Variants in HS6ST2 observed in about 807,000 individuals in gnomAD.
HS6ST2 encodes heparan-sulfate 6-O-sulfotransferase 2.
Under a neutral mutation model 33.0 loss-of-function variants are expected in HS6ST2, and 17 were observed. That is an observed-to-expected ratio of 0.52 (90% CI 0.35 to 0.77). The LOEUF (loss-of-function observed/expected upper bound fraction) is 0.77. Ranked by LOEUF, HS6ST2 falls within the 30% of genes least tolerant of loss-of-function variation. HS6ST2 has a pLI of 0.01. For missense variants in HS6ST2, 519 were observed against 551.7 expected (o/e 0.94, Z 0.59); for synonymous variants, 248 against 237.1 (o/e 1.05, Z -0.42).
chrX:132,752,803 G>A lies in HS6ST2; in HGVS notation c.948-44309C>T, dbSNP rs752276406. 9.8e-5 allele frequency among the ~76,000 whole-genome samples: 11 copies of A among 112,526 alleles called. No homozygotes were observed. In the South Asian group the frequency reaches 4.1e-3, roughly 42 times the overall value. The stretch of plus-strand genomic sequence containing the variant: ...TGAGGAAGACAGTGAGGAGAAGTCC[G>A]TGCCTATGACATTATGTCTTGATTG... On this transcript the variant is annotated intron_variant, in intron 2 of 4. Transcript: ENST00000370833.
intron 2 of HS6ST2, among the ~76,000 whole-genome samples, chrX:132,823,367 T>C (rs975446169): frequency 4.5e-5 from 5 of 110,916 alleles, no homozygotes; most frequent in Admixed American, 1.9e-4. Context: ...TCAGTGCACC[T>C]GTCACCTGAG....
intron 2 of HS6ST2, among the ~76,000 whole-genome samples, chrX:132,761,670 T>A (rs746939659): frequency 8.9e-6 from 1 of 112,292 alleles, no homozygotes; most frequent in East Asian, 2.8e-4. Flanking sequence ...TTATTACATC[T>A]TCTGAACCGT....
chrX:132,687,283 C>T (rs777883072), intron 3 of HS6ST2, among the ~76,000 whole-genome samples: 4 of 110,875 alleles, frequency 3.6e-5, no homozygotes, highest in African/African-American at 1.3e-4. Context: ...TTTTGATGGT[C>T]CCCTCAATGC....
intron 2 of HS6ST2, among the ~76,000 whole-genome samples, chrX:132,953,137 G>A (rs1010929438): frequency 9.0e-6 from 1 of 111,208 alleles, no homozygotes; most frequent in Admixed American, 9.6e-5. Context: ...TACAAACAGA[G>A]GAAATTTGGC....
At chrX:132,736,075 C>T (rs1236053039) in intron 2 of HS6ST2, among the ~76,000 whole-genome samples, 1 of 110,744 alleles carries the variant, frequency 9.0e-6, no homozygotes, top group Admixed American at 9.6e-5. Flanking sequence ...GAACTCCTGA[C>T]CTCAAGTGAT....
At chrX:132,725,534 G>C (rs1185040222) in intron 2 of HS6ST2, among the ~76,000 whole-genome samples, 1 of 112,250 alleles carries the variant, frequency 8.9e-6, no homozygotes, top group Non-Finnish European at 1.9e-5. Flanking sequence ...AGAATGTGGA[G>C]AAAAGAGAAC....
At chrX:132,711,544 C>G (rs1460945246) in intron 2 of HS6ST2, among the ~76,000 whole-genome samples, 2 of 111,383 alleles carry the variant, frequency 1.8e-5, no homozygotes, top group Non-Finnish European at 3.8e-5. Context: ...TAAAATTCCC[C>G]CAGTTCCAAT....
At position 132,628,649 on chromosome X, in the gene HS6ST2, G is replaced by T. The variant is rs1348481848; in HGVS notation, c.1512C>A (p.Ala504=). 2 of 1,211,216 alleles carry T rather than the reference G, an allele frequency of 1.7e-6. No homozygotes were observed. The highest frequency in any genetic ancestry group is 3.5e-5 in the South Asian group (2 of 56,970). ...TTTCCTCATTGATCTCTACACTAGA[G>T]GCCCTAGTGGTATTATACTGGGTAA... ...SPFTQYNTTR[A]SSVEINEEIQ... Residue 504 remains alanine (A), a synonymous_variant, in exon 5 of 5, where the codon GCC becomes GCA. Coordinates refer to ENST00000370833, the MANE Select transcript of HS6ST2 (RefSeq NM_001394073.1).
chrX:132,812,919 G>A (rs1466710380), intron 2 of HS6ST2, among the ~76,000 whole-genome samples: 1 of 109,173 alleles, frequency 9.2e-6, no homozygotes, highest in African/African-American at 3.3e-5. Context: ...GTTATCCCCC[G>A]ATTTCTCCCC....
intron 2 of HS6ST2, among the ~76,000 whole-genome samples, chrX:132,792,700 C>T (rs2065128687): frequency 9.0e-6 from 1 of 111,634 alleles, no homozygotes; most frequent in African/African-American, 3.3e-5. Context: ...AATCTGCTTT[C>T]TGTCTCTATG....
rs775403358 is a variant in HS6ST2 at position 132,718,835 on chromosome X, C to G, written c.948-10341G>C. Reference sequence around the variant, plus strand: ...TAGCAGTGGATAGGCCAGGGACCCACAGGGAAAGAGAAGTTGGCAGACAGA... The same window carrying G: ...TAGCAGTGGATAGGCCAGGGACCCAGAGGGAAAGAGAAGTTGGCAGACAGA... On this transcript the variant is annotated intron_variant, in intron 2 of 4. Coordinates refer to ENST00000370833, the MANE Select transcript of HS6ST2 (RefSeq NM_001394073.1). Among the ~76,000 whole-genome samples the G allele has an allele frequency of 3.6e-5, 4 of 111,031 alleles. No individual in the cohort carries two copies. In the Admixed American group the frequency reaches 3.8e-4, roughly 11 times the overall value.
intron 2 of HS6ST2, among the ~76,000 whole-genome samples, chrX:132,818,399 T>C (rs1435545629): frequency 9.0e-6 from 1 of 111,234 alleles, no homozygotes. Flanking sequence ...AGAGGGATGA[T>C]GCTTTGGCAT....
At chrX:132,677,243 G>A (rs1476066888) in intron 3 of HS6ST2, among the ~76,000 whole-genome samples, 3 of 112,129 alleles carry the variant, frequency 2.7e-5, no homozygotes, top group Non-Finnish European at 3.8e-5. Flanking sequence ...ACAAAGAGAA[G>A]TCAGTCAGCC....
intron 4 of HS6ST2, among the ~76,000 whole-genome samples, chrX:132,664,408 T>C (rs1395337437): frequency 8.9e-6 from 1 of 112,201 alleles, no homozygotes; most frequent in African/African-American, 3.2e-5. Context: ...TATGTGCTCT[T>C]GACTACTCTT....
intron 4 of HS6ST2, among the ~76,000 whole-genome samples, chrX:132,666,896 C>A (rs1230754642): frequency 9.0e-6 from 1 of 110,964 alleles, no homozygotes; most frequent in Non-Finnish European, 1.9e-5. Flanking sequence ...AGAAAATACA[C>A]CATGGGGAAA....
Position 132,628,695 on chromosome X carries a change from T to C in HS6ST2, c.1466A>G (p.Asn489Ser). 8.3e-7 allele frequency: 1 copy of C among 1,211,452 alleles called. No individual in the cohort carries two copies. The highest frequency in any genetic ancestry group is 1.1e-6 in the Non-Finnish European group (1 of 895,311). Residue 489 changes from asparagine to serine, a missense_variant, in exon 5 of 5, where the codon AAC becomes AGC. Asn to Ser is a conservative substitution (Grantham distance 46). Transcript: ENST00000370833. ...KTQYLFEKTF[N>S]MNFISPFTQY... Reference sequence around the variant, plus strand: ...GGTAAATGGCGAAATAAAGTTCATGTTGAAGGTTTTCTCAAACAGATATTG... The same window carrying C: ...GGTAAATGGCGAAATAAAGTTCATGCTGAAGGTTTTCTCAAACAGATATTG...
chrX:132,696,636 G>A (rs997813320), intron 3 of HS6ST2, among the ~76,000 whole-genome samples: 3 of 111,790 alleles, frequency 2.7e-5, no homozygotes, highest in African/African-American at 9.8e-5. Context: ...CCTTGGTTTG[G>A]CAGATGTTCT....
intron 2 of HS6ST2, among the ~76,000 whole-genome samples, chrX:132,804,542 G>C (rs920757606): frequency 2.7e-5 from 3 of 112,489 alleles, no homozygotes; most frequent in South Asian, 3.7e-4. Flanking sequence ...GTTCACACCT[G>C]TAATCCCAGC....
chrX:132,689,132 C>T (rs755776175), intron 3 of HS6ST2, among the ~76,000 whole-genome samples: 1 of 112,023 alleles, frequency 8.9e-6, no homozygotes, highest in South Asian at 3.8e-4. Context: ...CTCCTTCATC[C>T]TAGTGCACAG....
Sources: gnomAD v4.1 joint callset for allele counts (sites outside exome capture counted in the v4.1 genomes callset) on GRCh38, gnomAD v4.1.1 for gene constraint, MANE v1.5 for transcripts, NCBI Gene and HGNC (gene_info 2026-07-23, HGNC 2026-07-21) for gene names.